HECW2: variants seen among roughly 807,000 people sequenced by gnomAD.
HECW2 encodes the protein E3 ubiquitin-protein ligase HECW2.
HECW2 carries 61 observed loss-of-function variants against 175.2 expected under a neutral mutation model. The ratio of observed to expected loss-of-function variants is 0.35; its 90% confidence interval spans 0.28 to 0.43. HECW2 has a LOEUF of 0.43. HECW2 is among the 20% of genes least tolerant of loss of function. The probability of loss-of-function intolerance (pLI) is 1.00; values close to 1 mark genes in which losing one functional copy is unlikely to be tolerated. For synonymous variants in HECW2, 671 were observed against 731.0 expected, an observed-to-expected ratio of 0.92 and a Z score of 1.32; for missense variants, 1,524 against 2,000.5, an observed-to-expected ratio of 0.76 and a Z score of 4.54.
At chr2:196,229,154 T>C (rs1687957281) in intron 21 of HECW2, among the ~76,000 whole-genome samples, 1 of 152,086 alleles carries the variant, frequency 6.6e-6, no homozygotes, top group South Asian at 2.1e-4. Flanking sequence ...GGCTCAAAGA[T>C]AGGGAAGGAA....
At chr2:196,320,242 T>A in intron 8 of HECW2, 97 bp downstream of exon 8, 1 of 739,786 alleles carries the variant, frequency 1.4e-6, no homozygotes. Context: ...AAACAGAACA[T>A]GAATTCAATT....
At chr2:196,277,398 T>C (rs1689998097) in intron 15 of HECW2, among the ~76,000 whole-genome samples, 2 of 152,218 alleles carry the variant, frequency 1.3e-5, no homozygotes, top group African/African-American at 4.8e-5. Flanking sequence ...TATTTTAATG[T>C]AATATAGAAA....
chr2:196,570,226 T>G (rs1690335582), intron 1 of HECW2, among the ~76,000 whole-genome samples: 1 of 152,356 alleles, frequency 6.6e-6, no homozygotes, highest in Admixed American at 6.5e-5. Context: ...TAGATGATCC[T>G]TATGGTACTT....
intron 1 of HECW2, among the ~76,000 whole-genome samples, chr2:196,473,898 T>C (rs1360754062): frequency 2.0e-5 from 3 of 152,238 alleles, no homozygotes; most frequent in South Asian, 2.1e-4. Flanking sequence ...AGGCAGGACA[T>C]ATTTAGAAAA....
chr2:196,397,319 T>C (rs532450302), intron 2 of HECW2, among the ~76,000 whole-genome samples: 1 of 152,182 alleles, frequency 6.6e-6, no homozygotes, highest in Non-Finnish European at 1.5e-5. Flanking sequence ...GAAATGTCTC[T>C]TCTTCTGAAA....
intron 2 of HECW2, among the ~76,000 whole-genome samples, chr2:196,347,636 A>G (rs1693006975): frequency 6.6e-6 from 1 of 152,270 alleles, no homozygotes; most frequent in Non-Finnish European, 1.5e-5. Flanking sequence ...AAAATGGGTC[A>G]GAAGCAGAAT....
At chr2:196,395,089 C>T (rs1489395435) in intron 2 of HECW2, among the ~76,000 whole-genome samples, 1 of 152,096 alleles carries the variant, frequency 6.6e-6, no homozygotes, top group Admixed American at 6.5e-5. Flanking sequence ...ACCTCATCAC[C>T]TCTCAAAGGC....
chr2:196,376,131 C>T (rs765388161), intron 2 of HECW2, among the ~76,000 whole-genome samples: 1 of 152,192 alleles, frequency 6.6e-6, no homozygotes, highest in Non-Finnish European at 1.5e-5. Flanking sequence ...TGAATCTTAG[C>T]TTTTATTACC....
intron 4 of HECW2, among the ~76,000 whole-genome samples, chr2:196,331,898 C>T (rs1692374794): frequency 6.6e-6 from 1 of 152,162 alleles, no homozygotes; most frequent in Non-Finnish European, 1.5e-5. Context: ...AAAATAAACT[C>T]ACTCCATAGA....
At chr2:196,268,520 CCT>C (rs1689602534) in intron 17 of HECW2, among the ~76,000 whole-genome samples, 1 of 152,150 alleles carries the variant, frequency 6.6e-6, no homozygotes, top group Non-Finnish European at 1.5e-5. Context: ...GCAGCTTTTC[CCT>C]CTGTTAGGAT....
chr2:196,467,337 T>C (rs903376399), intron 1 of HECW2, among the ~76,000 whole-genome samples: 1 of 152,014 alleles, frequency 6.6e-6, no homozygotes, highest in African/African-American at 2.4e-5. Context: ...CTCTACAGAA[T>C]CTGGAATCAA....
chr2:196,405,907 C>T lies in HECW2; in HGVS notation c.292+27225G>A, dbSNP rs1369897887. Among the ~76,000 whole-genome samples, 3 of 152,170 alleles carry T rather than the reference C, an allele frequency of 2.0e-5. No individual in the cohort carries two copies. In the East Asian group the frequency reaches 5.8e-4, roughly 29 times the overall value. ...GCCGACAGCTTCCCTTGACACATTGCCAAGCCCAGTGGTCGCTTCTCTGTT... is the reference window on the plus strand; with the variant it reads ...GCCGACAGCTTCCCTTGACACATTGTCAAGCCCAGTGGTCGCTTCTCTGTT... On this transcript the variant is annotated intron_variant, in intron 2 of 28. Transcript: ENST00000644978.
intron 15 of HECW2, among the ~76,000 whole-genome samples, chr2:196,275,623 G>T (rs188948643): frequency 6.6e-6 from 1 of 152,070 alleles, no homozygotes. Context: ...GCGGTGGCAG[G>T]TGCCTGTAGT....
intron 28 of HECW2, among the ~76,000 whole-genome samples, chr2:196,205,456 G>A (rs753180996): frequency 2.0e-5 from 3 of 152,090 alleles, no homozygotes; most frequent in Non-Finnish European, 2.9e-5. Context: ...TGAGGACAAG[G>A]ATTGGCAAAA....
In HECW2 at chr2:196,215,917, C is replaced by T. The variant is rs1687459867; in HGVS notation, c.4555G>A (p.Gly1519Ser). 4 of 1,613,858 alleles carry T rather than the reference C, an allele frequency of 2.5e-6. No individual in the cohort carries two copies. The highest frequency in any genetic ancestry group is 2.2e-5 in the East Asian group (1 of 44,890). ...TTCTCCACACAGAATCTTCTTGGGC[C>T]GTTACTCCCTCGGAGTGAAGCAAAT... ...EGFASLRGSNGPRRFCVEKWG... is the reference protein window; with the variant it reads ...EGFASLRGSNSPRRFCVEKWG... Residue 1519 changes from glycine to serine, a missense_variant, in exon 28 of 29, where the codon GGC (glycine) becomes AGC (serine). Physicochemically the swap from Gly to Ser is moderately conservative, Grantham distance 56. This residue lies in a region of HECW2 where 134 missense variants were observed against 287.8 expected (regional missense o/e 0.47). Coordinates refer to ENST00000644978, the MANE Select transcript of HECW2 (RefSeq NM_001348768.2).
intron 1 of HECW2, among the ~76,000 whole-genome samples, chr2:196,544,670 C>T (rs748000251): frequency 2.1e-4 from 32 of 152,084 alleles, no homozygotes; most frequent in Admixed American, 5.9e-4. Context: ...ATCACAGGTC[C>T]CTGGAGAGTA....
chr2:196,568,774 A>G (rs1261435534), intron 1 of HECW2, among the ~76,000 whole-genome samples: 2 of 152,194 alleles, frequency 1.3e-5, no homozygotes, highest in African/African-American at 4.8e-5. Flanking sequence ...CTTGAAGAGC[A>G]CTACGCCCAC....
intron 1 of HECW2, among the ~76,000 whole-genome samples, chr2:196,561,069 G>A (rs1214859929): frequency 6.6e-6 from 1 of 152,170 alleles, no homozygotes; most frequent in African/African-American, 2.4e-5. Flanking sequence ...GAGCCAGGCA[G>A]GACAGAGCCA....
intron 2 of HECW2, chr2:196,361,685 G>T: frequency 6.6e-6 from 3 of 455,532 alleles, no homozygotes; most frequent in Non-Finnish European, 8.7e-6. Flanking sequence ...CCCTCAGCCA[G>T]CTGGGAGGGG....
Sources: allele counts gnomAD v4.1 joint callset (sites outside exome capture counted in the v4.1 genomes callset), GRCh38; gene constraint gnomAD v4.1.1; regional missense constraint gnomAD v4.1.1; transcripts MANE v1.5; gene names NCBI Gene and HGNC (gene_info 2026-07-23, HGNC 2026-07-21).